Variants in KSR2 observed in about 807,000 individuals in gnomAD.
KSR2 encodes the protein kinase suppressor of ras 2.
Under a neutral mutation model 107.8 loss-of-function variants are expected in KSR2, and 25 were observed. The observed-to-expected ratio is 0.23, with a 90% CI of 0.17 to 0.32. The LOEUF is 0.32. Among genes scored for constraint, KSR2 ranks in the 10% least tolerant of loss-of-function variants. KSR2 has a pLI of 1.00. For missense variants in KSR2, 887 were observed against 1,268.9 expected (o/e 0.70, Z 4.57); for synonymous variants, 480 against 507.0 (o/e 0.95, Z 0.71).
intron 4 of KSR2, among the ~76,000 whole-genome samples, chr12:117,674,889 C>A (rs918356095): frequency 1.3e-5 from 2 of 152,226 alleles, no homozygotes; most frequent in African/African-American, 4.8e-5. Flanking sequence ...CCTCCAACTT[C>A]TTGTGTCATC....
chr12:117,861,182 T>C (rs1330703792), intron 1 of KSR2, among the ~76,000 whole-genome samples: 1 of 152,044 alleles, frequency 6.6e-6, no homozygotes, highest in Admixed American at 6.6e-5. Flanking sequence ...ACTCGTTACA[T>C]AAAGGATGCT....
At chr12:117,801,624 C>T (rs944620216) in intron 3 of KSR2, among the ~76,000 whole-genome samples, 1 of 152,068 alleles carries the variant, frequency 6.6e-6, no homozygotes, top group African/African-American at 2.4e-5. Flanking sequence ...AGGTCCCACG[C>T]ACTTTCAAAT....
chr12:117,798,781 C>A (rs1175713630), intron 3 of KSR2, among the ~76,000 whole-genome samples: 3 of 151,056 alleles, frequency 2.0e-5, no homozygotes, highest in African/African-American at 7.3e-5. Context: ...GCTCTTTGTA[C>A]ATCCATGTTC....
intron 14 of KSR2, among the ~76,000 whole-genome samples, chr12:117,508,325 C>G (rs1038475923): frequency 1.3e-5 from 2 of 152,180 alleles, no homozygotes; most frequent in East Asian, 1.9e-4. Flanking sequence ...TTGTGACACA[C>G]GGCATGCTTC....
chr12:117,538,162 G>A (rs557865463), intron 10 of KSR2, among the ~76,000 whole-genome samples: 102 of 152,068 alleles, frequency 6.7e-4, no homozygotes, highest in South Asian at 1.0e-3. Context: ...TGGAGATGGC[G>A]GTGGGAGCCT....
intron 3 of KSR2, among the ~76,000 whole-genome samples, chr12:117,834,636 C>G (rs1005971477): frequency 1.1e-4 from 17 of 152,198 alleles, no homozygotes; most frequent in Non-Finnish European, 2.9e-5. Context: ...CCTGACCTTG[C>G]TCGGGCTGCG....
At chr12:117,686,110 G>A (rs996417149) in intron 4 of KSR2, among the ~76,000 whole-genome samples, 1 of 150,910 alleles carries the variant, frequency 6.6e-6, no homozygotes, top group Non-Finnish European at 1.5e-5. Context: ...GTGCAGTGGT[G>A]TGATCACAGC....
At chr12:117,476,731 A>C in intron 16 of KSR2, 136 bp from the exon 17 acceptor site, 1 of 884,816 alleles carries the variant, frequency 1.1e-6, no homozygotes, top group Non-Finnish European at 1.6e-6. Context: ...CTGACCACCT[A>C]CTGGAGGCCG....
intron 5 of KSR2, among the ~76,000 whole-genome samples, chr12:117,622,996 C>T (rs2136345134): frequency 6.6e-6 from 1 of 152,290 alleles, no homozygotes; most frequent in East Asian, 1.9e-4. Context: ...ACTCAAAGCA[C>T]AGGTATTAAC....
intron 4 of KSR2, among the ~76,000 whole-genome samples, chr12:117,734,280 C>CAA (rs10541802): frequency 9.7e-5 from 10 of 103,246 alleles, no homozygotes; most frequent in Non-Finnish European, 1.6e-4. Context: ...GACTCTGTCT[C>CAA]AAAAAAAAAA....
intron 1 of KSR2, among the ~76,000 whole-genome samples, chr12:117,875,330 G>T (rs1457171623): frequency 1.8e-5 from 2 of 113,262 alleles, no homozygotes; most frequent in Admixed American, 9.7e-5. Context: ...CCCCTTAGGT[G>T]CTATTTTTTT....
intron 7 of KSR2, among the ~76,000 whole-genome samples, chr12:117,570,147 C>T (rs950530317): frequency 2.6e-5 from 4 of 152,228 alleles, no homozygotes; most frequent in African/African-American, 4.8e-5. Context: ...GGACTACAGG[C>T]GCCTGCCACC....
intron 5 of KSR2, among the ~76,000 whole-genome samples, chr12:117,595,117 G>A (rs1880555880): frequency 1.3e-5 from 2 of 152,168 alleles, no homozygotes; most frequent in Admixed American, 1.3e-4. Context: ...AGAGCTCTAT[G>A]GCTCTGGACA....
intron 7 of KSR2, among the ~76,000 whole-genome samples, chr12:117,570,248 C>T (rs1593004130): frequency 1.3e-5 from 2 of 152,104 alleles, no homozygotes; most frequent in Admixed American, 6.6e-5. Flanking sequence ...GTGATCCGCC[C>T]GCCTCGGCCT....
At chr12:117,918,788 C>CA (rs1423434186) in intron 1 of KSR2, among the ~76,000 whole-genome samples, 1,434 of 106,430 alleles carry the variant, frequency 0.013, 14 homozygotes, top group African/African-American at 0.038. Context: ...AACTCCGTCT[C>CA]AAAAAAAAAA....
chr12:117,470,734 T>C (rs139290154), intron 18 of KSR2, among the ~76,000 whole-genome samples: 1 of 152,368 alleles, frequency 6.6e-6, no homozygotes, highest in Non-Finnish European at 1.5e-5. Context: ...GAGAGGATTC[T>C]TCCTGCTGTG....
At chr12:117,796,965 C>T (rs1272448456) in intron 3 of KSR2, among the ~76,000 whole-genome samples, 2 of 152,168 alleles carry the variant, frequency 1.3e-5, no homozygotes, top group African/African-American at 2.4e-5. Context: ...TACTGAGTGC[C>T]GAGCTTTGAA....
intron 5 of KSR2, among the ~76,000 whole-genome samples, chr12:117,584,093 G>A (rs1156486322): frequency 6.6e-6 from 1 of 152,114 alleles, no homozygotes; most frequent in Non-Finnish European, 1.5e-5. Context: ...CTTTATGAGA[G>A]AGCTAATGAT....
At chr12:117,694,477 T>C (rs1885966262) in intron 4 of KSR2, among the ~76,000 whole-genome samples, 1 of 152,194 alleles carries the variant, frequency 6.6e-6, no homozygotes, top group Admixed American at 6.5e-5. Flanking sequence ...TTTTTCTTTA[T>C]AAATTAACCA....
Sources: gnomAD v4.1 joint callset for allele counts (sites outside exome capture counted in the v4.1 genomes callset) on GRCh38, gnomAD v4.1.1 for gene constraint, MANE v1.5 for transcripts, NCBI Gene and HGNC (gene_info 2026-07-23, HGNC 2026-07-21) for gene names.